PCNX1: variants seen among roughly 807,000 people sequenced by gnomAD.
PCNX1 encodes the protein pecanex-like protein 1.
PCNX1 carries 78 observed loss-of-function variants against 242.2 expected under a neutral mutation model. The observed-to-expected ratio is 0.32, with a 90% CI of 0.27 to 0.39. The LOEUF (loss-of-function observed/expected upper bound fraction) is 0.39, where lower values mean the gene tolerates loss of function less well. Among genes scored for constraint, PCNX1 ranks in the 10% least tolerant of loss-of-function variants. The pLI is 1.00. For synonymous variants in PCNX1, 1,024 were observed against 1,032.9 expected (o/e 0.99, Z 0.17); for missense variants, 2,581 against 2,856.5 (o/e 0.90, Z 2.20).
At chr14:70,937,233 C>T (rs1198716620) in intron 1 of PCNX1, among the ~76,000 whole-genome samples, 3 of 152,080 alleles carry the variant, frequency 2.0e-5, no homozygotes, top group Middle Eastern at 3.2e-3. Flanking sequence ...AATGGTATTG[C>T]CTAGGTTTTC....
At position 71,113,486 on chromosome 14, in the gene PCNX1, C is replaced by T. The variant is rs1183688509; in HGVS notation, c.*3551C>T. The T allele has an allele frequency of 1.3e-5, 2 of 152,634 alleles. No individual in the cohort carries two copies. Among genetic ancestry groups the T allele is most frequent in the East Asian group, 3.8e-4 (2 of 5,204 alleles). 9.5% of individuals were successfully genotyped at this position (152,634 alleles called of 1,614,324 possible). ...TACCAAAATATAAAAATCAGCCTCA[C>T]ATTTTTCAGCAAGTTTAGCTTATAG... is the stretch of plus-strand genomic sequence containing the variant. On this transcript the variant is annotated 3_prime_UTR_variant, in exon 36 of 36. Transcript: ENST00000304743.
At chr14:70,951,807 TA>T (rs1454102836) in intron 2 of PCNX1, among the ~76,000 whole-genome samples, 1 of 152,190 alleles carries the variant, frequency 6.6e-6, no homozygotes, top group Admixed American at 6.5e-5. Flanking sequence ...ACTCAACTTT[TA>T]AAATAGGGAT....
chr14:71,107,614 A>C (rs1043080543), intron 33 of PCNX1, among the ~76,000 whole-genome samples: 1 of 152,220 alleles, frequency 6.6e-6, no homozygotes, highest in Non-Finnish European at 1.5e-5. Context: ...ATATCAAGCC[A>C]CTTGAAAAAG....
At chr14:70,950,606 CTCTT>C (rs919745301) in intron 2 of PCNX1, among the ~76,000 whole-genome samples, 18 of 151,952 alleles carry the variant, frequency 1.2e-4, no homozygotes, top group Admixed American at 1.0e-3. Flanking sequence ...ATTCAGCTGC[CTCTT>C]TTTTTTGCAC....
At position 71,073,598 on chromosome 14, in the gene PCNX1, G is replaced by A; in HGVS notation, c.4906G>A (p.Asp1636Asn). The change falls in exon 27 of 36, where the codon GAT becomes AAT. Residue 1636 changes from aspartate to asparagine, a missense_variant. Transcript: ENST00000304743. Reference sequence around the variant, plus strand: ...GGCCATTACTGAAGGTGTAGAGGAAGATGAAGGATTTTGCTGTTGTGAACC... The same window carrying A: ...GGCCATTACTGAAGGTGTAGAGGAAAATGAAGGATTTTGCTGTTGTGAACC... ...VEAITEGVEE[D>N]EGFCCCEPGH... is the part of the protein sequence containing the mutation. 6.2e-7 allele frequency: 1 copy of A among 1,613,930 alleles called. No homozygotes were observed. The highest frequency in any genetic ancestry group is 1.1e-5 in the South Asian group (1 of 91,078).
At chr14:71,041,296 G>C (rs2060696662) in intron 19 of PCNX1, among the ~76,000 whole-genome samples, 1 of 152,140 alleles carries the variant, frequency 6.6e-6, no homozygotes, top group South Asian at 2.1e-4. Context: ...CCCAGCAACA[G>C]TGGAGGAATT....
At chr14:71,097,438 C>G (rs899742929) in intron 30 of PCNX1, among the ~76,000 whole-genome samples, 5 of 152,136 alleles carry the variant, frequency 3.3e-5, no homozygotes, top group African/African-American at 1.2e-4. Flanking sequence ...TAAGCATTCC[C>G]TTTTCTCCTC....
chr14:70,947,084 G>A lies in PCNX1; in HGVS notation c.323G>A (p.Gly108Asp). Residue 108 changes from glycine (G) to aspartate (D), a missense_variant, in exon 2 of 36, where the codon GGC becomes GAC. Gly to Asp is a moderately conservative substitution (Grantham distance 94). Coordinates refer to ENST00000304743, the MANE Select transcript of PCNX1 (RefSeq NM_014982.3). The part of the protein sequence containing the change: ...FTDQRTKAEQ[G>D]NCSTRRKDSN... Reference sequence around the variant, plus strand: ...GATCAGCGAACCAAAGCTGAACAAGGCAACTGTTCAACCAGGAGAAAAGAC... The same window carrying A: ...GATCAGCGAACCAAAGCTGAACAAGACAACTGTTCAACCAGGAGAAAAGAC... 1 of 1,612,978 alleles carries A rather than the reference G, an allele frequency of 6.2e-7. No individual in the cohort carries two copies. The highest frequency in any genetic ancestry group is 8.5e-7 in the Non-Finnish European group (1 of 1,179,516).
chr14:70,994,540 G>A (rs866912394), intron 7 of PCNX1, among the ~76,000 whole-genome samples: 1 of 150,926 alleles, frequency 6.6e-6, no homozygotes, highest in Non-Finnish European at 1.5e-5. Context: ...AAGGATTAGA[G>A]AGATGTTGAT....
intron 28 of PCNX1, among the ~76,000 whole-genome samples, chr14:71,088,055 C>G (rs1368106730): frequency 1.3e-5 from 2 of 151,610 alleles, no homozygotes; most frequent in Non-Finnish European, 2.9e-5. Flanking sequence ...ACTTTAAAAT[C>G]TTTAGCTAAA....
intron 26 of PCNX1, among the ~76,000 whole-genome samples, chr14:71,059,915 C>G (rs1397201844): frequency 6.6e-6 from 1 of 152,168 alleles, no homozygotes; most frequent in Non-Finnish European, 1.5e-5. Flanking sequence ...AAATTCTTTA[C>G]TAAGGACTCC....
intron 26 of PCNX1, among the ~76,000 whole-genome samples, chr14:71,065,640 T>A (rs1442359313): frequency 6.6e-6 from 1 of 152,250 alleles, no homozygotes; most frequent in Non-Finnish European, 1.5e-5. Flanking sequence ...TTTGTCTATT[T>A]TGGCTTTTGT....
chr14:71,005,976 G>A (rs1188305874), intron 8 of PCNX1, among the ~76,000 whole-genome samples: 2 of 151,002 alleles, frequency 1.3e-5, no homozygotes, highest in African/African-American at 2.4e-5. Flanking sequence ...AGGCTGGAGG[G>A]CGGTGGCATG....
chr14:70,988,609 G>A lies in PCNX1; in HGVS notation c.2354G>A (p.Arg785His), dbSNP rs2059066419. The change falls in exon 7 of 36, where the codon CGC (arginine) becomes CAC (histidine). Residue 785 changes from arginine to histidine, a missense_variant. This residue lies in a region of PCNX1 where 1,204 missense variants were observed against 1,216.7 expected (regional missense o/e 0.99). Transcript: ENST00000304743. ...SEEAVSFRRE[R>H]STFRRQAVRR... ...GAGGCAGTGTCATTTCGCCGTGAAC[G>A]CAGCACATTTAGGCGCCAGGCAGTA... 5.6e-6 allele frequency: 9 copies of A among 1,613,988 alleles called. No homozygotes were observed. The highest frequency in any genetic ancestry group is 1.3e-5 in the African/African-American group (1 of 74,916).
chr14:71,107,713 C>T (rs1466664049), intron 33 of PCNX1, among the ~76,000 whole-genome samples: 1 of 152,140 alleles, frequency 6.6e-6, no homozygotes, highest in Non-Finnish European at 1.5e-5. Flanking sequence ...GCGTGGTATT[C>T]ACTGTCTCTC....
Position 71,057,643 on chromosome 14 carries a change from G to T in PCNX1, c.4771G>T (p.Asp1591Tyr). Residue 1591 changes from aspartate (D) to tyrosine (Y), a missense_variant, in exon 26 of 36, where the codon GAC (aspartate) becomes TAC (tyrosine). Physicochemically the swap from Asp to Tyr is radical, Grantham distance 160. This residue lies in a region of PCNX1 where 54 missense variants were observed against 45.3 expected (regional missense o/e 1.19). Coordinates refer to ENST00000304743, the MANE Select transcript of PCNX1 (RefSeq NM_014982.3). The part of the protein sequence containing the change: ...STGDCFILAS[D>Y]YLNALVHLIE... ...AGGGGACTGTTTCATCCTTGCCTCT[G>T]ACTATCTCAATGCATTAGTACACCT... is the stretch of plus-strand genomic sequence containing the variant. The T allele has an allele frequency of 6.2e-7, 1 of 1,613,976 alleles. No homozygotes were observed. Among genetic ancestry groups the T allele is most frequent in the Non-Finnish European group, 8.5e-7 (1 of 1,179,886 alleles).
At chr14:70,975,092 A>C (rs2058654480) in intron 5 of PCNX1, among the ~76,000 whole-genome samples, 1 of 152,180 alleles carries the variant, frequency 6.6e-6, no homozygotes, top group Admixed American at 6.5e-5. Context: ...CATTAAAAAA[A>C]CCTTTTGTTA....
rs1172536130 is a variant in PCNX1, at chr14:71,105,448, GAA to G, written c.6301+10_6301+11del. ...CTTATCCTCCAACACTAGGTAATGT[GAA>G]ACAAAGTTATATGTCTAATGTTAGC... On this transcript the variant is annotated intron_variant, in intron 33 of 35. Coordinates refer to ENST00000304743, the MANE Select transcript of PCNX1 (RefSeq NM_014982.3). The G allele has an allele frequency of 1.2e-6, 2 of 1,605,410 alleles. No individual in the cohort carries two copies.
chr14:71,084,466 AG>A (rs2061933596), intron 28 of PCNX1, among the ~76,000 whole-genome samples: 1 of 152,156 alleles, frequency 6.6e-6, no homozygotes, highest in South Asian at 2.1e-4. Flanking sequence ...CCCTTCCCCC[AG>A]GTGCTCTGTC....
Sources: gnomAD v4.1 joint callset for allele counts (sites outside exome capture counted in the v4.1 genomes callset) on GRCh38, gnomAD v4.1.1 for gene constraint, gnomAD v4.1.1 regional missense constraint, MANE v1.5 for transcripts, NCBI Gene and HGNC (gene_info 2026-07-23, HGNC 2026-07-21) for gene names.